Variants in TBC1D12 observed in about 807,000 individuals in gnomAD.
TBC1D12 encodes TBC1 domain family member 12, also known as TBC1 domain family, member 12.
Under a neutral mutation model 86.7 loss-of-function variants are expected in TBC1D12, and 56 were observed. That is an observed-to-expected ratio of 0.65 (90% CI 0.52 to 0.81). The LOEUF (loss-of-function observed/expected upper bound fraction) is 0.81, where lower values mean the gene tolerates loss of function less well. Among genes scored for constraint, TBC1D12 ranks in the 30% least tolerant of loss-of-function variants. TBC1D12 has a pLI of 0.00. For missense variants in TBC1D12, 1,023 were observed against 1,038.8 expected, an observed-to-expected ratio of 0.98 and a Z score of 0.21; for synonymous variants, 421 against 411.7, an observed-to-expected ratio of 1.02 and a Z score of -0.27.
intron 1 of TBC1D12, among the ~76,000 whole-genome samples, chr10:94,424,392 G>T (rs1205352769): frequency 6.6e-6 from 1 of 152,156 alleles, no homozygotes; most frequent in Non-Finnish European, 1.5e-5. Context: ...CTTATACTTG[G>T]TAGTGTTTTC....
intron 2 of TBC1D12, among the ~76,000 whole-genome samples, chr10:94,458,006 G>A (rs1190949582): frequency 6.6e-6 from 1 of 152,054 alleles, no homozygotes; most frequent in African/African-American, 2.4e-5. Context: ...ATGCACACAT[G>A]AGCATACATA....
intron 11 of TBC1D12, among the ~76,000 whole-genome samples, chr10:94,528,860 A>AGG (rs56052709): frequency 6.6e-6 from 1 of 150,788 alleles, no homozygotes. Flanking sequence ...TAATTTGAGG[A>AGG]GGGGGAAGAG....
At chr10:94,504,339 G>A (rs948769725) in intron 6 of TBC1D12, among the ~76,000 whole-genome samples, 9 of 152,062 alleles carry the variant, frequency 5.9e-5, no homozygotes, top group African/African-American at 1.7e-4. Context: ...CAAAAGGTTC[G>A]TTTTTAGCTT....
intron 1 of TBC1D12, among the ~76,000 whole-genome samples, chr10:94,440,340 T>G (rs1208194002): frequency 6.6e-6 from 1 of 152,068 alleles, no homozygotes; most frequent in Non-Finnish European, 1.5e-5. Context: ...TGGCTATTTT[T>G]TTTAATTTTT....
intron 6 of TBC1D12, chr10:94,501,541 G>A (rs927092483): frequency 1.3e-5 from 2 of 153,840 alleles, no homozygotes; most frequent in Non-Finnish European, 2.9e-5. Context: ...GCAAAATGTA[G>A]AGTAGTTTTT....
chr10:94,444,709 C>T (rs1233984662), intron 2 of TBC1D12, among the ~76,000 whole-genome samples: 1 of 150,928 alleles, frequency 6.6e-6, no homozygotes, highest in African/African-American at 2.4e-5. Flanking sequence ...ATTTTCATTT[C>T]GGAAAGCCAA....
At chr10:94,481,800 T>A (rs796191183) in intron 3 of TBC1D12, among the ~76,000 whole-genome samples, 15 of 152,154 alleles carry the variant, frequency 9.9e-5, no homozygotes, top group African/African-American at 2.4e-4. Context: ...CTTTTTTTTT[T>A]AAATTTCATT....
chr10:94,514,234 G>T (rs1374351330), intron 9 of TBC1D12, among the ~76,000 whole-genome samples: 2 of 152,050 alleles, frequency 1.3e-5, no homozygotes, highest in African/African-American at 4.8e-5. Flanking sequence ...AATTAGCCAG[G>T]TGTGGTGGTG....
chr10:94,403,839 G>A (rs1262645767), intron 1 of TBC1D12, among the ~76,000 whole-genome samples: 1 of 152,202 alleles, frequency 6.6e-6, no homozygotes, highest in African/African-American at 2.4e-5. Flanking sequence ...GTCCGCGGGA[G>A]GCTGTACCTG....
At chr10:94,491,814 C>A (rs2056249599) in intron 3 of TBC1D12, among the ~76,000 whole-genome samples, 3 of 108,396 alleles carry the variant, frequency 2.8e-5, no homozygotes, top group Admixed American at 9.6e-5. Context: ...TTAGTAATGC[C>A]CCCAAAGCTT....
intron 9 of TBC1D12, among the ~76,000 whole-genome samples, chr10:94,517,022 A>G (rs1842010089): frequency 6.6e-6 from 1 of 151,988 alleles, no homozygotes; most frequent in Admixed American, 6.6e-5. Flanking sequence ...TGCTGGGTTT[A>G]TGTATGAGCC....
At chr10:94,498,941 T>A (rs2056359039) in intron 5 of TBC1D12, among the ~76,000 whole-genome samples, 1 of 152,108 alleles carries the variant, frequency 6.6e-6, no homozygotes, top group East Asian at 1.9e-4. Context: ...AGCTAAGTTT[T>A]GTATTTTTTT....
Position 94,511,710 on chromosome 10 carries a change from A to G in TBC1D12, c.1761+56A>G, listed in dbSNP as rs2056530850. ...TATAAGCATTTTATCTACACTCTTT[A>G]TCAAAATATCCTATGTTGTATTAGC... On this transcript the variant is annotated intron_variant, in intron 9 of 12. Coordinates refer to ENST00000225235, the MANE Select transcript of TBC1D12 (RefSeq NM_015188.2). 2.5e-6 allele frequency: 3 copies of G among 1,193,318 alleles called. No homozygotes were observed. The South Asian group carries it at 3.7e-5, about 15-fold the overall frequency. The allele number at this position is 1,193,318 out of a possible 1,614,324, so 73.9% of individuals were successfully genotyped here. A position where few individuals can be genotyped will look rare whatever the true frequency, so the allele number is the denominator to read the frequency against.
At chr10:94,477,637 T>C (rs2056011438) in intron 3 of TBC1D12, among the ~76,000 whole-genome samples, 2 of 152,174 alleles carry the variant, frequency 1.3e-5, no homozygotes, top group African/African-American at 4.8e-5. Flanking sequence ...TGAGTAATCT[T>C]AGGTTTCTTC....
intron 2 of TBC1D12, among the ~76,000 whole-genome samples, chr10:94,448,306 C>T (rs1481790092): frequency 1.3e-5 from 2 of 152,060 alleles, no homozygotes; most frequent in Non-Finnish European, 2.9e-5. Context: ...GCTTAATTTT[C>T]TGGTTTCTGA....
In TBC1D12 at chr10:94,531,425, A is replaced by C; in HGVS notation, c.2224A>C (p.Ile742Leu). The change falls in exon 12 of 13, where the codon ATT becomes CTT. Residue 742 changes from isoleucine (I) to leucine (L), a missense_variant. This residue lies in a region of TBC1D12 where 395 missense variants were observed against 507.7 expected (regional missense o/e 0.78). Coordinates refer to ENST00000225235, the MANE Select transcript of TBC1D12 (RefSeq NM_015188.2). Reference sequence around the variant, plus strand: ...AAAGCTGTTCAGTTGTATTGCAGCCATTCAGATGCAGAATAGCACCAAAAA... The same window carrying C: ...AAAGCTGTTCAGTTGTATTGCAGCCCTTCAGATGCAGAATAGCACCAAAAA... ...SEKLFSCIAA[I>L]QMQNSTKKWT... The C allele has an allele frequency of 1.2e-6, 2 of 1,614,058 alleles. No individual in the cohort carries two copies. The highest frequency in any genetic ancestry group is 1.7e-6 in the Non-Finnish European group (2 of 1,179,960).
intron 2 of TBC1D12, among the ~76,000 whole-genome samples, chr10:94,459,504 G>A (rs1475422000): frequency 6.6e-6 from 1 of 152,256 alleles, no homozygotes; most frequent in African/African-American, 2.4e-5. Flanking sequence ...GCATTCCTCA[G>A]CCCTTGGATG....
intron 2 of TBC1D12, among the ~76,000 whole-genome samples, chr10:94,452,392 AT>A: frequency 6.6e-6 from 1 of 152,100 alleles, no homozygotes; most frequent in Non-Finnish European, 1.5e-5. Context: ...CCATTGTAGT[AT>A]TACACAGCAT....
intron 1 of TBC1D12, among the ~76,000 whole-genome samples, chr10:94,413,165 CAG>C (rs1669706117): frequency 6.6e-6 from 1 of 152,124 alleles, no homozygotes; most frequent in Admixed American, 6.5e-5. Flanking sequence ...TGAGTATAAA[CAG>C]AGGTGTATAA....
Sources: allele counts gnomAD v4.1 joint callset (sites outside exome capture counted in the v4.1 genomes callset), GRCh38; gene constraint gnomAD v4.1.1; regional missense constraint gnomAD v4.1.1; transcripts MANE v1.5; gene names NCBI Gene and HGNC (gene_info 2026-07-23, HGNC 2026-07-21).